L3MBTL4: variants seen among roughly 807,000 people sequenced by gnomAD.
L3MBTL4 encodes the protein L3MBTL histone methyl-lysine binding protein 4.
L3MBTL4 carries 70 observed loss-of-function variants against 84.5 expected under a neutral mutation model. That is an observed-to-expected ratio of 0.83 (90% confidence interval 0.68 to 1.01). L3MBTL4 has a LOEUF of 1.01. L3MBTL4 is among the 50% of genes least tolerant of loss of function. The probability of loss-of-function intolerance (pLI) is 0.00; values close to 1 mark genes in which losing one functional copy is unlikely to be tolerated. For synonymous variants in L3MBTL4, 274 were observed against 259.8 expected (o/e 1.05, Z -0.52); for missense variants, 715 against 754.8 (o/e 0.95, Z 0.62).
At chr18:6,261,577 T>C (rs1198344105) in intron 5 of L3MBTL4, among the ~76,000 whole-genome samples, 6 of 152,136 alleles carry the variant, frequency 3.9e-5, no homozygotes, top group Non-Finnish European at 8.8e-5. Context: ...TCTTTTGTCA[T>C]CCCTCTATAA....
chr18:6,174,327 T>C (rs971064826), intron 12 of L3MBTL4, among the ~76,000 whole-genome samples: 3 of 152,102 alleles, frequency 2.0e-5, no homozygotes, highest in African/African-American at 7.2e-5. Context: ...GATTGCAAAG[T>C]AGTTAGGAAA....
At chr18:5,959,403 C>G (rs1417206186) in intron 18 of L3MBTL4, among the ~76,000 whole-genome samples, 1 of 152,186 alleles carries the variant, frequency 6.6e-6, no homozygotes, top group Non-Finnish European at 1.5e-5. Flanking sequence ...ACATGGCAAG[C>G]CCCTGATACA....
chr18:6,067,498 GATT>G (rs1354931239), intron 16 of L3MBTL4, among the ~76,000 whole-genome samples: 4 of 152,054 alleles, frequency 2.6e-5, no homozygotes, highest in Non-Finnish European at 4.4e-5. Context: ...CATTTCTTGA[GATT>G]CTTTTTTCTT....
intron 1 of L3MBTL4, among the ~76,000 whole-genome samples, chr18:6,351,433 G>A (rs1886893485): frequency 6.6e-6 from 1 of 152,162 alleles, no homozygotes; most frequent in Non-Finnish European, 1.5e-5. Context: ...AGTTCTGGAG[G>A]TGGATGGTAG....
At chr18:6,233,852 T>C (rs2047099353) in intron 10 of L3MBTL4, among the ~76,000 whole-genome samples, 1 of 152,138 alleles carries the variant, frequency 6.6e-6, no homozygotes, top group African/African-American at 2.4e-5. Context: ...AGGGCCTGCA[T>C]TGTCAAGACA....
At chr18:5,964,844 C>G (rs1466223425) in intron 17 of L3MBTL4, among the ~76,000 whole-genome samples, 1 of 152,200 alleles carries the variant, frequency 6.6e-6, no homozygotes, top group Non-Finnish European at 1.5e-5. Flanking sequence ...AGGGAACAGA[C>G]TACATAAAAC....
intron 16 of L3MBTL4, among the ~76,000 whole-genome samples, chr18:6,065,310 CT>C (rs1364527305): frequency 1.3e-5 from 2 of 151,354 alleles, no homozygotes; most frequent in Non-Finnish European, 1.5e-5. Context: ...TTGTAGTTTT[CT>C]TTTTTTTGTT....
rs1346393685 is a variant in L3MBTL4, at chr18:6,215,800, A to G, written c.820T>C (p.Tyr274His). ...GCATTGGTTTGAGTAGCTTCCAGGT[A>G]TTCTGTCCAGGAAAAATTTTCTGGA... ...PNPENFSWTE[Y>H]LEATQTNAVP... Residue 274 changes from tyrosine (Y) to histidine (H), a missense_variant, in exon 11 of 19, where the codon TAC becomes CAC. Physicochemically the swap from Tyr to His is moderately conservative, Grantham distance 83. Transcript: ENST00000317931. 2.5e-6 allele frequency: 4 copies of G among 1,607,346 alleles called. No individual in the cohort carries two copies. Among genetic ancestry groups the G allele is most frequent in the Admixed American group, 1.7e-5 (1 of 59,232 alleles).
intron 16 of L3MBTL4, among the ~76,000 whole-genome samples, chr18:5,981,585 G>T (rs2053219391): frequency 6.6e-6 from 1 of 151,888 alleles, no homozygotes; most frequent in African/African-American, 2.4e-5. Flanking sequence ...GGAGGCCAAA[G>T]TAGGAGGATC....
chr18:6,271,738 G>A (rs193014558), intron 4 of L3MBTL4, among the ~76,000 whole-genome samples: 120 of 152,328 alleles, frequency 7.9e-4, no homozygotes, highest in African/African-American at 2.5e-3. Context: ...GAGTGAGGTC[G>A]GGGAGGCGCA....
At chr18:6,232,800 C>G (rs1289277651) in intron 10 of L3MBTL4, among the ~76,000 whole-genome samples, 1 of 151,922 alleles carries the variant, frequency 6.6e-6, no homozygotes, top group Non-Finnish European at 1.5e-5. Flanking sequence ...TTATGAAATA[C>G]TTAAAATTTT....
At chr18:6,191,901 G>T (rs1188452503) in intron 12 of L3MBTL4, among the ~76,000 whole-genome samples, 5 of 151,936 alleles carry the variant, frequency 3.3e-5, no homozygotes, top group Non-Finnish European at 7.4e-5. Flanking sequence ...GAGGTGGGAA[G>T]ATCACTTGAG....
At chr18:6,098,923 A>T (rs767221114) in intron 14 of L3MBTL4, among the ~76,000 whole-genome samples, 1 of 152,140 alleles carries the variant, frequency 6.6e-6, no homozygotes, top group Non-Finnish European at 1.5e-5. Flanking sequence ...CCAGAACCAA[A>T]GGACAGGAGG....
intron 16 of L3MBTL4, among the ~76,000 whole-genome samples, chr18:6,015,422 C>T (rs2054922085): frequency 6.6e-6 from 1 of 152,022 alleles, no homozygotes; most frequent in Admixed American, 6.6e-5. Flanking sequence ...AGACCTAAAC[C>T]CAGAGACTCT....
chr18:6,310,213 C>T (rs1237033577), intron 3 of L3MBTL4, among the ~76,000 whole-genome samples: 1 of 152,214 alleles, frequency 6.6e-6, no homozygotes, highest in Non-Finnish European at 1.5e-5. Flanking sequence ...AGAATGACAT[C>T]TTCACCTAAG....
At chr18:6,233,692 C>T (rs933475386) in intron 10 of L3MBTL4, among the ~76,000 whole-genome samples, 2 of 152,056 alleles carry the variant, frequency 1.3e-5, no homozygotes, top group Non-Finnish European at 2.9e-5. Context: ...GAAGAACATT[C>T]CATGCTCATG....
chr18:6,242,436 C>A (rs1173940481), intron 7 of L3MBTL4, among the ~76,000 whole-genome samples: 1 of 152,162 alleles, frequency 6.6e-6, no homozygotes. Flanking sequence ...GAGATAGAGA[C>A]ATTGCTTTAC....
At chr18:6,314,233 G>C (rs1487525774) in intron 1 of L3MBTL4, among the ~76,000 whole-genome samples, 1 of 152,098 alleles carries the variant, frequency 6.6e-6, no homozygotes, top group African/African-American at 2.4e-5. Context: ...CAAAATACAT[G>C]GATTACTCTG....
rs565973395 is a variant in L3MBTL4, at chr18:6,146,113, G to A, written c.1097-7817C>T. Reference sequence around the variant, plus strand: ...GGGGAAGGGTGGCGGGAGATGAGACGGCGTGGGCCAAAGAGTCTCTTGTTT... The same window carrying A: ...GGGGAAGGGTGGCGGGAGATGAGACAGCGTGGGCCAAAGAGTCTCTTGTTT... On this transcript the variant is annotated intron_variant, in intron 13 of 18. Coordinates refer to ENST00000317931, the MANE Select transcript of L3MBTL4 (RefSeq NM_001330559.2). Among the ~76,000 whole-genome samples the A allele has an allele frequency of 2.7e-4, 41 of 152,354 alleles. No homozygotes were observed. In the South Asian group the frequency reaches 5.2e-3, roughly 19 times the overall value.
Sources: allele counts gnomAD v4.1 joint callset (sites outside exome capture counted in the v4.1 genomes callset), GRCh38; gene constraint gnomAD v4.1.1; transcripts MANE v1.5; gene names NCBI Gene and HGNC (gene_info 2026-07-23, HGNC 2026-07-21).